UGT1A10: variants seen among roughly 807,000 people sequenced by gnomAD.
The protein encoded by UGT1A10 is UDP glucuronosyltransferase family 1 member A10.
UGT1A10 carries 49 observed loss-of-function variants against 45.8 expected under a neutral mutation model. That is an observed-to-expected ratio of 1.07 (90% CI 0.85 to 1.36). The LOEUF (loss-of-function observed/expected upper bound fraction) is 1.36, where lower values mean the gene tolerates loss of function less well. UGT1A10 is among the 40% of genes most tolerant of loss of function. The pLI, the probability that UGT1A10 is intolerant of heterozygous loss-of-function variation, is 0.00. For synonymous variants in UGT1A10, 284 were observed against 249.7 expected (o/e 1.14, Z -1.29); for missense variants, 745 against 668.6 (o/e 1.11, Z -1.26).
Position 233,772,266 on chromosome 2 carries a change from AAGG to A in UGT1A10, c.1303_1305del (p.Glu435del). ...CGAAACTGTCTTTGTGTTTAGTTAC[AAGG>A]AGAACATCATGCGCCTCTCCAGCCT... is the stretch of plus-strand genomic sequence containing the variant. On this transcript the variant is annotated inframe_deletion, in exon 5 of 5. Coordinates refer to ENST00000344644, the MANE Select transcript of UGT1A10 (RefSeq NM_019075.4). 1 of 1,614,262 alleles carries A rather than the reference AAGG, an allele frequency of 6.2e-7. No homozygotes were observed. The highest frequency in any genetic ancestry group is 8.5e-7 in the Non-Finnish European group (1 of 1,180,048).
chr2:233,740,000 CTAAG>C (rs1449995031), intron 1 of UGT1A10, among the ~76,000 whole-genome samples: 3 of 151,814 alleles, frequency 2.0e-5, no homozygotes, highest in Non-Finnish European at 4.4e-5. Context: ...TCTTGTCATA[CTAAG>C]TGAGTTCTCA....
At chr2:233,716,025 T>C (rs1312533975) in intron 1 of UGT1A10, among the ~76,000 whole-genome samples, 1 of 152,226 alleles carries the variant, frequency 6.6e-6, no homozygotes, top group African/African-American at 2.4e-5. Flanking sequence ...ATAGTTTCTT[T>C]TGATGTCAGC....
At chr2:233,671,776 GT>G in intron 1 of UGT1A10, 1 of 1,390,784 alleles carries the variant, frequency 7.2e-7, no homozygotes, top group African/African-American at 1.5e-5. Flanking sequence ...ATATATTCTT[GT>G]TCTTTTGGGT....
chr2:233,748,342 C>T lies in UGT1A10; in HGVS notation c.856-18692C>T, dbSNP rs117379305. ...ACTGATGTGACTCATGGAGACTGTT[C>T]GTTTGTAAAGGCACCATCTTCATGG... On this transcript the variant is annotated intron_variant, in intron 1 of 4. Transcript: ENST00000344644. 1.9e-3 allele frequency among the ~76,000 whole-genome samples: 287 copies of T among 151,736 alleles called. 5 individuals carry two copies. The East Asian group carries it at 0.054, about 29-fold the overall frequency.
chr2:233,753,468 A>G (rs1476776984), intron 1 of UGT1A10: 1 of 152,192 alleles, frequency 6.6e-6, no homozygotes, highest in Non-Finnish European at 1.5e-5. Flanking sequence ...TTCTGTAAAA[A>G]ATTACCAGCA....
At chr2:233,761,167 G>A in intron 1 of UGT1A10, 1 of 1,614,098 alleles carries the variant, frequency 6.2e-7, no homozygotes. Context: ...TATTGGAGTG[G>A]GACTTTTACA....
At chr2:233,744,160 C>A (rs555064194) in intron 1 of UGT1A10, 3 of 294,534 alleles carry the variant, frequency 1.0e-5, no homozygotes, top group Non-Finnish European at 2.0e-5. Context: ...CCAGGCCCCG[C>A]CCACTCCGGC....
At chr2:233,693,268 G>C in intron 1 of UGT1A10, 1 of 1,614,110 alleles carries the variant, frequency 6.2e-7, no homozygotes, top group Non-Finnish European at 8.5e-7. Flanking sequence ...AAGAGCTGAA[G>C]AACCGTTACC....
chr2:233,658,496 C>A, intron 1 of UGT1A10, among the ~76,000 whole-genome samples: 1 of 152,182 alleles, frequency 6.6e-6, no homozygotes. Context: ...TAGCCCATCA[C>A]GCCCCCTTCA....
intron 1 of UGT1A10, among the ~76,000 whole-genome samples, chr2:233,716,166 G>A (rs1366189269): frequency 6.6e-6 from 1 of 152,138 alleles, no homozygotes; most frequent in Non-Finnish European, 1.5e-5. Flanking sequence ...GAGATGCAGT[G>A]CAGCATCTTC....
chr2:233,716,198 G>C (rs2076491281), intron 1 of UGT1A10, among the ~76,000 whole-genome samples: 1 of 152,026 alleles, frequency 6.6e-6, no homozygotes, highest in African/African-American at 2.4e-5. Context: ...TCTTACATCT[G>C]TCTCTTTCAC....
chr2:233,740,171 G>A (rs920285091), intron 1 of UGT1A10, among the ~76,000 whole-genome samples: 9 of 151,848 alleles, frequency 5.9e-5, no homozygotes, highest in African/African-American at 2.2e-4. Flanking sequence ...ATGTGGAACT[G>A]TGAGTCAATT....
chr2:233,682,383 C>T lies in UGT1A10; in HGVS notation c.855+45006C>T, dbSNP rs368625224. ...TGTTTTGATGCAGTGTTTCTCGATC[C>T]TTTTGATGCCTGTGGCTTAATTGTT... is the stretch of plus-strand genomic sequence containing the variant. On this transcript the variant is annotated intron_variant, in intron 1 of 4. Transcript: ENST00000344644. The T allele has an allele frequency of 2.5e-6, 4 of 1,613,858 alleles. No individual in the cohort carries two copies. In the South Asian group the frequency reaches 4.4e-5, roughly 18 times the overall value.
intron 1 of UGT1A10, among the ~76,000 whole-genome samples, chr2:233,710,877 A>T (rs1019417253): frequency 6.6e-6 from 1 of 152,230 alleles, no homozygotes; most frequent in East Asian, 1.9e-4. Context: ...AAAGTTAAAC[A>T]GTTTAAGTTT....
intron 1 of UGT1A10, among the ~76,000 whole-genome samples, chr2:233,661,827 G>A (rs1026599059): frequency 9.3e-5 from 14 of 151,176 alleles, no homozygotes; most frequent in Non-Finnish European, 1.8e-4. Context: ...GAGCACTTGA[G>A]GCATCACTAG....
At chr2:233,748,600 T>C (rs1186894741) in intron 1 of UGT1A10, among the ~76,000 whole-genome samples, 2 of 151,760 alleles carry the variant, frequency 1.3e-5, no homozygotes, top group African/African-American at 4.9e-5. Flanking sequence ...TCAGTGGAAG[T>C]AGAGCAACGA....
At chr2:233,693,856 C>G (rs1229039578) in intron 1 of UGT1A10, 10 of 1,614,076 alleles carry the variant, frequency 6.2e-6, no homozygotes, top group African/African-American at 1.3e-5. Context: ...AGAGGAAAGA[C>G]TTGTCTCAGG....
rs1191326510 is a variant in UGT1A10, at chr2:233,652,606, C to T, written c.855+15229C>T. On this transcript the variant is annotated intron_variant, in intron 1 of 4. Transcript: ENST00000344644. ...GCATAATGAAATTTCCCCTAATTGT[C>T]TCAAAAATGTCTTGTACATGCAGAT... Among the ~76,000 whole-genome samples, 8 of 152,136 alleles carry T rather than the reference C, an allele frequency of 5.3e-5. No homozygotes were observed. The East Asian group carries it at 1.5e-3, about 29-fold the overall frequency.
At chr2:233,760,991 C>G in intron 1 of UGT1A10, 1 of 1,614,190 alleles carries the variant, frequency 6.2e-7, no homozygotes. Context: ...ACCCTTGCCT[C>G]AGAATTCCTT....
Sources: gnomAD v4.1 joint callset for allele counts (sites outside exome capture counted in the v4.1 genomes callset) on GRCh38, gnomAD v4.1.1 for gene constraint, MANE v1.5 for transcripts, NCBI Gene and HGNC (gene_info 2026-07-23, HGNC 2026-07-21) for gene names.